The following CEP350 variants were observed in gnomAD, a reference collection of about 807,000 sequenced individuals.
The protein encoded by CEP350 is centrosome-associated protein 350.
CEP350 carries 126 observed loss-of-function variants against 331.8 expected under a neutral mutation model. That is an observed-to-expected ratio of 0.38 (90% CI 0.33 to 0.44). The LOEUF (loss-of-function observed/expected upper bound fraction) is 0.44, where lower values mean the gene tolerates loss of function less well. CEP350 is among the 20% of genes least tolerant of loss of function. The pLI is 1.00. For synonymous variants in CEP350, 1,200 were observed against 1,259.5 expected (o/e 0.95, Z 1.00); for missense variants, 3,406 against 3,634.6 (o/e 0.94, Z 1.62).
At chr1:180,038,973 T>C (rs1656560489) in intron 17 of CEP350, among the ~76,000 whole-genome samples, 1 of 152,064 alleles carries the variant, frequency 6.6e-6, no homozygotes, top group African/African-American at 2.4e-5. Context: ...CAGGACTTTC[T>C]GGGAGGCCAA....
At position 180,087,611 on chromosome 1, in the gene CEP350, G is replaced by C. The variant is rs750822273; in HGVS notation, c.6319G>C (p.Glu2107Gln). The C allele has an allele frequency of 6.5e-7, 1 of 1,546,618 alleles. No individual in the cohort carries two copies. Among genetic ancestry groups the C allele is most frequent in the Non-Finnish European group, 8.7e-7 (1 of 1,143,556 alleles). ...YDEFIKKTEA[E>Q]LSQDLETSPT... ...TGAATTTATTAAGAAAACTGAAGCC[G>C]AGCTTAGCCAAGATTTGGAAACATC... The change falls in exon 32 of 38, where the codon GAG becomes CAG. Residue 2107 changes from glutamate to glutamine, a missense_variant. Physicochemically the swap from Glu to Gln is conservative, Grantham distance 29. Around this residue, in one of 5 missense-constraint regions of CEP350, gnomAD observed 1,415 missense variants for 1,512.3 expected, o/e 0.94. Transcript: ENST00000367607.
chr1:180,070,612 G>A (rs1472193860), intron 27 of CEP350, among the ~76,000 whole-genome samples: 1 of 152,140 alleles, frequency 6.6e-6, no homozygotes, highest in African/African-American at 2.4e-5. Context: ...ACAGCAGAAT[G>A]GCAGAGCTGA....
chr1:180,099,242 G>T (rs1395241303), intron 37 of CEP350, among the ~76,000 whole-genome samples: 3 of 152,192 alleles, frequency 2.0e-5, no homozygotes, highest in Non-Finnish European at 4.4e-5. Context: ...CAAAGTTTAA[G>T]GTAGTGAATT....
chr1:180,076,512 T>C (rs61826350), intron 28 of CEP350, among the ~76,000 whole-genome samples: 4,721 of 152,206 alleles, frequency 0.031, 114 homozygotes, highest in Admixed American at 0.047. Flanking sequence ...TAAAAAGCAT[T>C]TGTGGGCCAG....
At chr1:180,059,640 A>G (rs1351078442) in intron 25 of CEP350, among the ~76,000 whole-genome samples, 2 of 148,242 alleles carry the variant, frequency 1.3e-5, no homozygotes, top group East Asian at 2.0e-4. Context: ...TTTTTTTTTC[A>G]TGGAATAGTA....
intron 25 of CEP350, among the ~76,000 whole-genome samples, chr1:180,058,307 T>C (rs1198641705): frequency 6.6e-6 from 1 of 152,246 alleles, no homozygotes; most frequent in Non-Finnish European, 1.5e-5. Flanking sequence ...TTTATCTGTG[T>C]TGTCCAATAC....
chr1:180,036,995 T>A lies in CEP350; in HGVS notation c.4016T>A (p.Ile1339Asn). The change falls in exon 17 of 38, where the codon ATT becomes AAT. Residue 1339 changes from isoleucine (I) to asparagine (N), a missense_variant. Physicochemically the swap from Ile to Asn is moderately radical, Grantham distance 149. Transcript: ENST00000367607. ...GCAGAACTCAGTTATCTGAACGCCA[T>A]TGAGGAGTCGGTGCGCCAACTGTCA... ...MAAELSYLNAIEESVRQLSDV... is the reference protein window; with the variant it reads ...MAAELSYLNANEESVRQLSDV... The A allele has an allele frequency of 6.3e-7, 1 of 1,599,680 alleles. No homozygotes were observed. Among genetic ancestry groups the A allele is most frequent in the Non-Finnish European group, 8.5e-7 (1 of 1,172,898 alleles).
At position 179,955,166 on chromosome 1, in the gene CEP350, G is replaced by C. The variant is rs540992284; in HGVS notation, c.-14+24G>C. 3.9e-4 allele frequency: 551 copies of C among 1,402,046 alleles called. 1 individual carries two copies. The highest frequency in any genetic ancestry group is 2.8e-3 in the East Asian group (81 of 28,472). 86.9% of individuals were successfully genotyped at this position (1,402,046 alleles called of 1,614,324 possible). On this transcript the variant is annotated intron_variant, in intron 1 of 37. Transcript: ENST00000367607. ...AGGTGAGCTCCTGTAGGACCTGGCTGGGACCGCGGAGTCTCGCTCAGCCTC... is the reference window on the plus strand; with the variant it reads ...AGGTGAGCTCCTGTAGGACCTGGCTCGGACCGCGGAGTCTCGCTCAGCCTC...
chr1:179,968,901 G>A (rs1651222138), intron 1 of CEP350: 1 of 755,766 alleles, frequency 1.3e-6, no homozygotes, highest in East Asian at 2.4e-5. Context: ...CTGGCCAGAA[G>A]GCTGTGTTGA....
intron 32 of CEP350, among the ~76,000 whole-genome samples, chr1:180,089,633 A>G (rs1230503004): frequency 1.3e-5 from 2 of 151,998 alleles, no homozygotes; most frequent in Non-Finnish European, 1.5e-5. Context: ...TAGATGGGGT[A>G]GCAAGTCTAA....
At chr1:180,079,145 A>G (rs1017120590) in intron 29 of CEP350, among the ~76,000 whole-genome samples, 3 of 151,810 alleles carry the variant, frequency 2.0e-5, no homozygotes, top group Non-Finnish European at 2.9e-5. Flanking sequence ...TTAAACTAAG[A>G]TTTTCTACAT....
chr1:180,060,045 A>G (rs975379398), intron 25 of CEP350, among the ~76,000 whole-genome samples: 5 of 152,200 alleles, frequency 3.3e-5, no homozygotes, highest in African/African-American at 1.2e-4. Context: ...TCTTTTCACT[A>G]AATTATTTTT....
chr1:180,004,865 GGCTGGCTGGCTT>G (rs1317823380), intron 7 of CEP350, among the ~76,000 whole-genome samples: 2 of 88,124 alleles, frequency 2.3e-5, no homozygotes, highest in Non-Finnish European at 2.3e-5. Context: ...TGGGCAGGCA[GGCTGGCTGGCTT>G]GCTTGCTTGC....
At chr1:180,035,725 A>T (rs561646342) in intron 16 of CEP350, among the ~76,000 whole-genome samples, 22 of 152,206 alleles carry the variant, frequency 1.4e-4, no homozygotes, top group African/African-American at 5.3e-4. Context: ...AAAAATATTT[A>T]TTCCTGCTTA....
intron 1 of CEP350, among the ~76,000 whole-genome samples, chr1:179,961,853 C>G (rs1411071639): frequency 6.6e-6 from 1 of 151,966 alleles, no homozygotes; most frequent in African/African-American, 2.4e-5. Flanking sequence ...CCTGTCACTT[C>G]CCACCTTTTT....
chr1:179,959,548 A>C (rs752967071), intron 1 of CEP350, among the ~76,000 whole-genome samples: 12 of 152,084 alleles, frequency 7.9e-5, no homozygotes, highest in Non-Finnish European at 1.8e-4. Context: ...TGAGATTAGG[A>C]GCTTCAGACC....
chr1:180,013,803 G>T (rs17371166), intron 9 of CEP350, 44 bp from the exon 10 acceptor site: 75,421 of 1,483,120 alleles, frequency 0.051, 2,266 homozygotes, highest in Non-Finnish European at 0.056. Flanking sequence ...TCTTAGGAAT[G>T]AGTATAGAAT....
intron 1 of CEP350, among the ~76,000 whole-genome samples, chr1:179,955,402 TCCTCTAGCCTGCAGAGGTAAGATA>T (rs1291083880): frequency 3.9e-5 from 6 of 152,262 alleles, no homozygotes; most frequent in Admixed American, 2.6e-4. Context: ...CCTCCACCCC[TCCTCTAGCCTGCAGAGGTAAGATA>T]CCTCTAGCCT....
chr1:180,057,120 T>TG (rs2148986982), intron 25 of CEP350, among the ~76,000 whole-genome samples: 1 of 150,536 alleles, frequency 6.6e-6, no homozygotes, highest in East Asian at 2.0e-4. Flanking sequence ...TTTTTGGAGA[T>TG]GGAGTTTCAC....
Sources: allele counts gnomAD v4.1 joint callset (sites outside exome capture counted in the v4.1 genomes callset), GRCh38; gene constraint gnomAD v4.1.1; regional missense constraint gnomAD v4.1.1; transcripts MANE v1.5; gene names NCBI Gene and HGNC (gene_info 2026-07-23, HGNC 2026-07-21).